RAB14: variants seen among roughly 807,000 people sequenced by gnomAD.
The protein encoded by RAB14 is ras-related protein Rab-14.
Under a neutral mutation model 31.1 loss-of-function variants are expected in RAB14, and 3 were observed. The ratio of observed to expected loss-of-function variants is 0.10; its 90% CI spans 0.04 to 0.25. The LOEUF is 0.25. RAB14 is among the 10% of genes least tolerant of loss of function. The probability of loss-of-function intolerance (pLI) is 1.00; values close to 1 mark genes in which losing one functional copy is unlikely to be tolerated. For missense variants in RAB14, 111 were observed against 260.1 expected (o/e 0.43, Z 3.94); for synonymous variants, 85 against 84.9 (o/e 1.00, Z 0.00).
intron 4 of RAB14, among the ~76,000 whole-genome samples, chr9:121,188,641 G>T (rs1273792215): frequency 6.6e-6 from 1 of 151,758 alleles, no homozygotes; most frequent in Admixed American, 6.6e-5. Flanking sequence ...CTGTAACAAT[G>T]AGAGTTAATG....
intron 1 of RAB14, among the ~76,000 whole-genome samples, chr9:121,200,194 C>T (rs144180028): frequency 3.9e-5 from 6 of 152,256 alleles, no homozygotes; most frequent in African/African-American, 1.2e-4. Context: ...CGACATACCT[C>T]TAGGCATGAT....
intron 1 of RAB14, among the ~76,000 whole-genome samples, chr9:121,195,019 G>A (rs1480329048): frequency 2.0e-5 from 3 of 151,964 alleles, no homozygotes; most frequent in Admixed American, 6.6e-5. Context: ...TTCAGGAAAG[G>A]GAGTTTTTCT....
At position 121,180,346 on chromosome 9, in the gene RAB14, G is replaced by A. The variant is rs969492781; in HGVS notation, c.*1050C>T. ...CCTTTTTTCTTTTTCTATACAGTAA[G>A]GCAAGAATGCAGCCTGTAATGCAAA... On this transcript the variant is annotated 3_prime_UTR_variant, in exon 8 of 8. Coordinates refer to ENST00000373840, the MANE Select transcript of RAB14 (RefSeq NM_016322.4). The A allele has an allele frequency of 6.6e-6, 1 of 152,602 alleles. No homozygotes were observed. The allele number at this position is 152,602 out of a possible 1,614,324, so 9.5% of individuals were successfully genotyped here.
Position 121,178,477 on chromosome 9 carries a change from A to AT in RAB14, c.*2918dup, listed in dbSNP as rs2053610706. On this transcript the variant is annotated 3_prime_UTR_variant, in exon 8 of 8. Coordinates refer to ENST00000373840, the MANE Select transcript of RAB14 (RefSeq NM_016322.4). ...CCCACATGAAGAGGAATGGAAGGTA[A>AT]TTATTTGGTCTTTTCTTCTGTTTAG... 6.6e-6 allele frequency: 1 copy of AT among 151,262 alleles called. No individual in the cohort carries two copies. Among genetic ancestry groups the AT allele is most frequent in the Non-Finnish European group, 1.5e-5 (1 of 67,212 alleles). The allele number at this position is 151,262 out of a possible 1,614,324, so 9.4% of individuals were successfully genotyped here. A position where few individuals can be genotyped will look rare whatever the true frequency, so the allele number is the denominator to read the frequency against.
chr9:121,184,089 G>A (rs1260176810), intron 5 of RAB14, among the ~76,000 whole-genome samples: 4 of 152,182 alleles, frequency 2.6e-5, no homozygotes, highest in Non-Finnish European at 5.9e-5. Flanking sequence ...TGAGTCAGTG[G>A]TAGGAGGACA....
At chr9:121,201,296 C>A (rs932140490) in intron 1 of RAB14, among the ~76,000 whole-genome samples, 1 of 152,074 alleles carries the variant, frequency 6.6e-6, no homozygotes, top group Non-Finnish European at 1.5e-5. Context: ...GAGAGGGGGG[C>A]CCGCGGGAGA....
At chr9:121,182,892 GAATAT>G (rs1564318485) in intron 7 of RAB14, 33 bp downstream of exon 7, 1 of 1,569,836 alleles carries the variant, frequency 6.4e-7, no homozygotes, top group South Asian at 1.1e-5. Flanking sequence ...TGAGAAACTT[GAATAT>G]AATTGAAATA....
At position 121,180,545 on chromosome 9, in the gene RAB14, G is replaced by A. The variant is rs2053627111; in HGVS notation, c.*851C>T. On this transcript the variant is annotated 3_prime_UTR_variant, in exon 8 of 8. Transcript: ENST00000373840. ...TCCCCAAACACTGCCAGCACCAAGG[G>A]GTGGAGCCAGTACTACTTGTGAACT... The A allele has an allele frequency of 6.6e-6, 1 of 152,604 alleles. No individual in the cohort carries two copies. Among genetic ancestry groups the A allele is most frequent in the African/African-American group, 2.4e-5 (1 of 41,424 alleles). The allele number at this position is 152,604 out of a possible 1,614,324, so 9.5% of individuals were successfully genotyped here.
chr9:121,201,444 C>A lies in RAB14; in HGVS notation c.-8+195G>T, dbSNP rs543464239. Among the ~76,000 whole-genome samples the A allele has an allele frequency of 7.5e-3, 1,141 of 152,166 alleles. 8 individuals are homozygous for A. Among genetic ancestry groups the A allele is most frequent in the Non-Finnish European group, 0.013 (856 of 67,972 alleles). On this transcript the variant is annotated intron_variant, in intron 1 of 7. Coordinates refer to ENST00000373840, the MANE Select transcript of RAB14 (RefSeq NM_016322.4). ...GAGCCGCGCAGGGGACACCTCCGCC[C>A]CCGCCCAGGAGTCCTGTCAGGCCGG... is the stretch of plus-strand genomic sequence containing the variant.
intron 5 of RAB14, among the ~76,000 whole-genome samples, chr9:121,183,731 T>A (rs1225439440): frequency 6.6e-6 from 1 of 152,194 alleles, no homozygotes; most frequent in Non-Finnish European, 1.5e-5. Flanking sequence ...AATTTAAAAA[T>A]CATCCTTAGT....
chr9:121,193,300 T>C, intron 2 of RAB14, 61 bp downstream of exon 2: 1 of 1,145,786 alleles, frequency 8.7e-7, no homozygotes, highest in Non-Finnish European at 1.3e-6. Context: ...AGTATTAACA[T>C]ATAAATATTT....
Position 121,181,454 on chromosome 9 carries a change from G to A in RAB14, c.590C>T (p.Pro197Leu), listed in dbSNP as rs775692926. ...ESGVQHKPSA[P>L]QGGRLTSEPQ... ...TTCACTGGTTAGCCGGCCTCCCTGC[G>A]GGGCTGAAGGTTTGTGTTGTACACC... The change falls in exon 8 of 8, where the codon CCG becomes CTG. Residue 197 changes from proline to leucine, a missense_variant. Transcript: ENST00000373840. The A allele has an allele frequency of 4.3e-6, 7 of 1,612,256 alleles. No homozygotes were observed. Among genetic ancestry groups the A allele is most frequent in the Admixed American group, 1.7e-5 (1 of 59,988 alleles).
Position 121,181,382 on chromosome 9 carries a change from C to CA in RAB14, c.*13dup. ...AGGTGAAAGGTCAAATGAGGGGCCA[C>CA]AGCAAAGAGGTCACTAGCAGCCACA... On this transcript the variant is annotated 3_prime_UTR_variant, in exon 8 of 8. Coordinates refer to ENST00000373840, the MANE Select transcript of RAB14 (RefSeq NM_016322.4). The CA allele has an allele frequency of 1.3e-6, 2 of 1,572,794 alleles. No individual in the cohort carries two copies. Among genetic ancestry groups the CA allele is most frequent in the South Asian group, 2.3e-5 (2 of 87,614 alleles).
At position 121,181,353 on chromosome 9, in the gene RAB14, A is replaced by G; in HGVS notation, c.*43T>C. 6.6e-7 allele frequency: 1 copy of G among 1,510,120 alleles called. No homozygotes were observed. Among genetic ancestry groups the G allele is most frequent in the Non-Finnish European group, 9.0e-7 (1 of 1,113,560 alleles). 93.5% of individuals were successfully genotyped at this position (1,510,120 alleles called of 1,614,324 possible). On this transcript the variant is annotated 3_prime_UTR_variant, in exon 8 of 8. Transcript: ENST00000373840. ...CAGTAAAAAGTACTGCTTCCAACAG[A>G]CAGAGGTGAAAGGTCAAATGAGGGG... is the stretch of plus-strand genomic sequence containing the variant.
intron 4 of RAB14, among the ~76,000 whole-genome samples, chr9:121,190,088 T>C (rs2053678738): frequency 6.6e-6 from 1 of 152,092 alleles, no homozygotes; most frequent in African/African-American, 2.4e-5. Flanking sequence ...AGTAAATAAA[T>C]ACTCAAACAC....
At chr9:121,183,506 A>G in intron 5 of RAB14, 108 bp from the exon 6 acceptor site, 2 of 809,542 alleles carry the variant, frequency 2.5e-6, no homozygotes, top group Non-Finnish European at 4.0e-6. Flanking sequence ...ACTGGGCCTA[A>G]AAAGAAAACC....
At chr9:121,197,305 G>C (rs892996107) in intron 1 of RAB14, among the ~76,000 whole-genome samples, 1 of 152,012 alleles carries the variant, frequency 6.6e-6, no homozygotes, top group Admixed American at 6.6e-5. Context: ...CTCATCTCCT[G>C]AACATGAAAC....
intron 4 of RAB14, 76 bp downstream of exon 4, chr9:121,190,478 A>T: frequency 1.5e-6 from 2 of 1,332,106 alleles, no homozygotes; most frequent in Non-Finnish European, 2.0e-6. Context: ...ACTAAAAAAA[A>T]TGCCTATCAA....
At chr9:121,186,423 C>T (rs10760156) in intron 5 of RAB14, among the ~76,000 whole-genome samples, 54,100 of 151,844 alleles carry the variant, frequency 0.36, 11,955 homozygotes, top group South Asian at 0.64. Flanking sequence ...AGCATGGTGG[C>T]TAGCCTTTAA....
Sources: gnomAD v4.1 joint callset for allele counts (sites outside exome capture counted in the v4.1 genomes callset) on GRCh38, gnomAD v4.1.1 for gene constraint, MANE v1.5 for transcripts, NCBI Gene and HGNC (gene_info 2026-07-23, HGNC 2026-07-21) for gene names.